The following CES5A variants were observed in gnomAD, a reference collection of about 807,000 sequenced individuals.
CES5A encodes carboxylesterase 5A.
A neutral mutation model predicts 62.9 loss-of-function variants in CES5A; 67 were observed. The ratio of observed to expected loss-of-function variants is 1.07; its 90% CI spans 0.88 to 1.31. CES5A has a LOEUF of 1.31. CES5A is among the 50% of genes most tolerant of loss of function. The pLI is 0.00. For synonymous variants in CES5A, 296 were observed against 280.8 expected (o/e 1.05, Z -0.54); for missense variants, 748 against 708.5 (o/e 1.06, Z -0.63).
At chr16:55,861,936 A>G (rs113828144) in intron 6 of CES5A, among the ~76,000 whole-genome samples, 1 of 152,114 alleles carries the variant, frequency 6.6e-6, no homozygotes, top group Non-Finnish European at 1.5e-5. Flanking sequence ...AAGCTCCTTC[A>G]TTGTCAGTAC....
intron 8 of CES5A, among the ~76,000 whole-genome samples, chr16:55,856,855 A>G (rs1367296927): frequency 5.3e-5 from 8 of 152,254 alleles, no homozygotes; most frequent in African/African-American, 1.7e-4. Context: ...AATCTGGCTG[A>G]TGTCCTTATG....
chr16:55,912,497 C>G (rs1019640493), intron 1 of CES5A, among the ~76,000 whole-genome samples: 2 of 148,106 alleles, frequency 1.4e-5, no homozygotes, highest in African/African-American at 5.0e-5. Flanking sequence ...AGGAGGAGGA[C>G]GAGGAGGAGG....
At chr16:55,940,988 G>C (rs552260378) in intron 2 of CES5A, among the ~76,000 whole-genome samples, 114 of 151,604 alleles carry the variant, frequency 7.5e-4, no homozygotes, top group African/African-American at 2.7e-3. Context: ...ACTTGAAATA[G>C]AAGAAAACAT....
chr16:55,873,961 G>C lies in CES5A; in HGVS notation c.150C>G (p.Ser50Arg), dbSNP rs372320662. The change falls in exon 2 of 13, where the codon AGC becomes AGG. Residue 50 changes from serine (S) to arginine (R), a missense_variant. Transcript: ENST00000290567. ...IQGKQVTVLG[S>R]PVPVNVFLGV... Reference sequence around the variant, plus strand: ...CGAGGAACACGTTCACAGGCACAGGGCTTCCCAGCACAGTGACTTGCTTGC... The same window carrying C: ...CGAGGAACACGTTCACAGGCACAGGCCTTCCCAGCACAGTGACTTGCTTGC... 3.7e-6 allele frequency: 6 copies of C among 1,613,328 alleles called. No individual in the cohort carries two copies. The highest frequency in any genetic ancestry group is 5.1e-6 in the Non-Finnish European group (6 of 1,179,850).
intron 1 of CES5A, among the ~76,000 whole-genome samples, chr16:55,905,479 G>A (rs1264228330): frequency 2.0e-5 from 3 of 151,494 alleles, no homozygotes; most frequent in African/African-American, 7.3e-5. Flanking sequence ...CAATTCTCCT[G>A]CCTCAGCCTC....
At chr16:55,897,939 C>A (rs539766634) in intron 1 of CES5A, among the ~76,000 whole-genome samples, 58 of 152,192 alleles carry the variant, frequency 3.8e-4, no homozygotes, top group Middle Eastern at 6.8e-3. Flanking sequence ...ATGAATTTCC[C>A]AGATAAAGTC....
intron 1 of CES5A, among the ~76,000 whole-genome samples, chr16:55,890,570 G>A (rs2033866405): frequency 1.3e-5 from 2 of 151,510 alleles, no homozygotes; most frequent in African/African-American, 4.8e-5. Flanking sequence ...AGGACCTTAT[G>A]AAAAAATAAA....
chr16:55,871,956 C>T (rs2033598847), intron 2 of CES5A, 193 bp from the exon 3 acceptor site: 2 of 556,198 alleles, frequency 3.6e-6, no homozygotes, highest in Admixed American at 6.1e-5. Context: ...AATTATAATT[C>T]TCATTGATCT....
chr16:55,866,084 G>A lies in CES5A; in HGVS notation c.584C>T (p.Ala195Val), dbSNP rs1555480976. ...CAGAGCAGCCACCTGGTCCTTGAAGGCCCAGTTCCCCGGAGCATGCTGATC... is the reference window on the plus strand; with the variant it reads ...CAGAGCAGCCACCTGGTCCTTGAAGACCCAGTTCCCCGGAGCATGCTGATC... ...TWDQHAPGNW[A>V]FKDQVAALSW... The change falls in exon 5 of 13, where the codon GCC (alanine) becomes GTC (valine). Residue 195 changes from alanine (A) to valine (V), a missense_variant. Physicochemically the swap from Ala to Val is moderately conservative, Grantham distance 64 (BLOSUM62 0). Coordinates refer to ENST00000290567, the MANE Select transcript of CES5A (RefSeq NM_001143685.2). 8 of 1,613,760 alleles carry A rather than the reference G, an allele frequency of 5.0e-6. No individual in the cohort carries two copies. In the South Asian group the frequency reaches 7.7e-5, roughly 16 times the overall value.
chr16:55,928,281 A>G (rs1465181205), upstream of CES5A, among the ~76,000 whole-genome samples: 1 of 152,156 alleles, frequency 6.6e-6, no homozygotes, highest in African/African-American at 2.4e-5. Context: ...TTTGGCTGGA[A>G]CTGAAGGCCA....
chr16:55,914,978 T>A (rs1291454484), intron 1 of CES5A, among the ~76,000 whole-genome samples: 1 of 152,004 alleles, frequency 6.6e-6, no homozygotes, highest in East Asian at 1.9e-4. Context: ...TGTGTAAATC[T>A]CAAATTAGTT....
At chr16:55,894,267 G>C (rs2033908928) in intron 1 of CES5A, among the ~76,000 whole-genome samples, 1 of 152,042 alleles carries the variant, frequency 6.6e-6, no homozygotes, top group Admixed American at 6.6e-5. Flanking sequence ...CCAGCACTTT[G>C]GGAGGCCAAG....
At chr16:55,889,114 C>T (rs753224629) in intron 1 of CES5A, among the ~76,000 whole-genome samples, 1 of 151,580 alleles carries the variant, frequency 6.6e-6, no homozygotes, top group Non-Finnish European at 1.5e-5. Context: ...ATGGGCCAAA[C>T]TGGATACGGG....
intron 1 of CES5A, among the ~76,000 whole-genome samples, chr16:55,903,468 A>T (rs1434760972): frequency 6.6e-6 from 1 of 152,216 alleles, no homozygotes; most frequent in Non-Finnish European, 1.5e-5. Flanking sequence ...TTCTGCCATT[A>T]TGAGTATTTT....
chr16:55,906,428 A>G (rs2034040555), intron 1 of CES5A, among the ~76,000 whole-genome samples: 3 of 152,236 alleles, frequency 2.0e-5, no homozygotes, highest in Non-Finnish European at 4.4e-5. Flanking sequence ...GAGCCAAGCC[A>G]GGGCAGAAAG....
chr16:55,871,715 C>A lies in CES5A; in HGVS notation c.327G>T (p.Lys109Asn). 1 of 1,614,110 alleles carries A rather than the reference C, an allele frequency of 6.2e-7. No individual in the cohort carries two copies. The highest frequency in any genetic ancestry group is 8.5e-7 in the Non-Finnish European group (1 of 1,180,002). ...EWLLLDQHML[K>N]VHYPKFGVSE... Reference sequence around the variant, plus strand: ...ACACTCCGAATTTCGGGTAATGCACCTTGAGCATATGTTGATCTAAGAGCA... The same window carrying A: ...ACACTCCGAATTTCGGGTAATGCACATTGAGCATATGTTGATCTAAGAGCA... The change falls in exon 3 of 13, where the codon AAG (lysine) becomes AAT (asparagine). Residue 109 changes from lysine to asparagine, a missense_variant. Transcript: ENST00000290567.
At chr16:55,954,445 G>C (rs1428825283) in intron 1 of CES5A, among the ~76,000 whole-genome samples, 6 of 152,310 alleles carry the variant, frequency 3.9e-5, no homozygotes, top group Middle Eastern at 3.4e-3. Flanking sequence ...GAGCGGGAGA[G>C]GAGAGGTCTC....
intron 1 of CES5A, among the ~76,000 whole-genome samples, chr16:55,890,292 A>G (rs1208964111): frequency 6.6e-6 from 1 of 152,186 alleles, no homozygotes; most frequent in Non-Finnish European, 1.5e-5. Context: ...GAAAAAGAAA[A>G]TCACATTACT....
intron 1 of CES5A, among the ~76,000 whole-genome samples, chr16:55,892,693 A>G (rs575498407): frequency 2.6e-5 from 4 of 151,660 alleles, no homozygotes; most frequent in African/African-American, 9.7e-5. Flanking sequence ...GAAGCTTTTA[A>G]AAGCTCACAC....
Sources: gnomAD v4.1 joint callset for allele counts (sites outside exome capture counted in the v4.1 genomes callset) on GRCh38, gnomAD v4.1.1 for gene constraint, MANE v1.5 for transcripts, NCBI Gene and HGNC (gene_info 2026-07-23, HGNC 2026-07-21) for gene names.